CTNND2: variants seen among roughly 807,000 people sequenced by gnomAD.
The protein encoded by CTNND2 is catenin delta-2.
In CTNND2, 22 loss-of-function variants were observed where a neutral mutation model predicts 144.4. The observed-to-expected ratio is 0.15, with a 90% confidence interval of 0.11 to 0.22. The LOEUF is 0.22. CTNND2 is among the 10% of genes least tolerant of loss of function. The probability of loss-of-function intolerance (pLI) is 1.00; values close to 1 mark genes in which losing one functional copy is unlikely to be tolerated. For synonymous variants in CTNND2, 751 were observed against 695.6 expected, an observed-to-expected ratio of 1.08 and a Z score of -1.25; for missense variants, 1,353 against 1,618.8, an observed-to-expected ratio of 0.84 and a Z score of 2.82.
chr5:11,239,031 C>A (rs1057343530), intron 9 of CTNND2, among the ~76,000 whole-genome samples: 4 of 152,186 alleles, frequency 2.6e-5, no homozygotes, highest in African/African-American at 9.6e-5. Context: ...CAAATTAATT[C>A]GAAATCTACT....
chr5:11,120,202 C>T (rs935734200), intron 12 of CTNND2, among the ~76,000 whole-genome samples: 7 of 152,180 alleles, frequency 4.6e-5, no homozygotes, highest in African/African-American at 1.2e-4. Context: ...GACTGAGATA[C>T]GCCTACACCC....
chr5:11,200,926 G>A (rs1374848069), intron 10 of CTNND2, among the ~76,000 whole-genome samples: 1 of 148,128 alleles, frequency 6.8e-6, no homozygotes, highest in Non-Finnish European at 1.5e-5. Context: ...TGATCCGCCC[G>A]CCTCAGCCTC....
intron 3 of CTNND2, among the ~76,000 whole-genome samples, chr5:11,421,600 C>T (rs573682897): frequency 6.6e-6 from 1 of 151,986 alleles, no homozygotes; most frequent in Admixed American, 6.6e-5. Context: ...CAAAATGGGG[C>T]CAATATGGGG....
In CTNND2 at chr5:11,818,004, T is replaced by TTTTTTTTTTTTTTTTC. The variant is rs1554126308; in HGVS notation, c.38-85733_38-85732insGAAAAAAAAAAAAAAA. Among the ~76,000 whole-genome samples, 2 of 93,256 alleles carry TTTTTTTTTTTTTTTTC rather than the reference T, an allele frequency of 2.1e-5. 1 individual carries two copies. The highest frequency in any genetic ancestry group is 4.2e-5 in the Non-Finnish European group (2 of 47,324). 61.2% of individuals were successfully genotyped at this position (93,256 alleles called of 152,430 possible). Reference sequence around the variant, plus strand: ...GTGTTTTTTTTTTTTTTTTTTTTTTTCAGTTCTCCTCCATCCAATATCAAA... The same window carrying TTTTTTTTTTTTTTTTC: ...GTGTTTTTTTTTTTTTTTTTTTTTTTTTTTTTTTTTTTTTTCCAGTTCTCCTCCATCCAATATCAAA... On this transcript the variant is annotated intron_variant, in intron 1 of 21. Transcript: ENST00000304623.
At chr5:11,527,721 C>A (rs895382072) in intron 3 of CTNND2, among the ~76,000 whole-genome samples, 34 of 152,288 alleles carry the variant, frequency 2.2e-4, no homozygotes, top group African/African-American at 8.2e-4. Context: ...TTTAATATTT[C>A]ATATAAACCT....
At chr5:11,599,132 C>A (rs1458424911) in intron 2 of CTNND2, among the ~76,000 whole-genome samples, 1 of 152,096 alleles carries the variant, frequency 6.6e-6, no homozygotes, top group Non-Finnish European at 1.5e-5. Flanking sequence ...CCCCCATGAT[C>A]CAGTCATCTC....
At chr5:11,168,494 CA>C (rs1402448503) in intron 11 of CTNND2, among the ~76,000 whole-genome samples, 1 of 152,162 alleles carries the variant, frequency 6.6e-6, no homozygotes, top group African/African-American at 2.4e-5. Context: ...AAGAGATCAA[CA>C]GTTAGGAATA....
At chr5:11,260,929 G>C (rs1010445288) in intron 9 of CTNND2, among the ~76,000 whole-genome samples, 4 of 152,084 alleles carry the variant, frequency 2.6e-5, no homozygotes, top group Admixed American at 1.3e-4. Context: ...AATTAATTCT[G>C]ACATATCCGT....
intron 15 of CTNND2, among the ~76,000 whole-genome samples, chr5:11,091,995 C>T (rs1307652373): frequency 2.0e-5 from 3 of 152,142 alleles, no homozygotes; most frequent in African/African-American, 7.2e-5. Flanking sequence ...TTTGATATCT[C>T]CCGATTCCCC....
At position 10,973,750 on chromosome 5, in the gene CTNND2, T is replaced by G. The variant is rs771088661; in HGVS notation, c.3418-37A>C. The G allele has an allele frequency of 1.3e-6, 2 of 1,550,562 alleles. No homozygotes were observed. The highest frequency in any genetic ancestry group is 2.7e-5 in the African/African-American group (2 of 73,124). ...AGAAGAGCCACACTGGGTTACTTGG[T>G]TTCCCTTGACTCAGCCTGCCTCTTG... On this transcript the variant is annotated intron_variant, in intron 21 of 21. Transcript: ENST00000304623. The surrounding 1 kb of genome is among the most constrained non-coding windows in gnomAD (Gnocchi z 5.6).
At position 11,481,962 on chromosome 5, in the gene CTNND2, A is replaced by G. The variant is rs118159765; in HGVS notation, c.288-69893T>C. Among the ~76,000 whole-genome samples the G allele has an allele frequency of 7.9e-5, 12 of 152,256 alleles. 1 individual carries two copies. The East Asian group carries it at 2.3e-3, about 29-fold the overall frequency. On this transcript the variant is annotated intron_variant, in intron 3 of 21. Coordinates refer to ENST00000304623, the MANE Select transcript of CTNND2 (RefSeq NM_001332.4). ...ATTTCTTTCTTAATTCCTTTGCACA[A>G]TCTTTTGCAAAGAACAGCACACAGC...
intron 3 of CTNND2, among the ~76,000 whole-genome samples, chr5:11,435,497 G>T (rs1404297533): frequency 6.6e-6 from 1 of 152,070 alleles, no homozygotes; most frequent in African/African-American, 2.4e-5. Context: ...CAAGCCCTAG[G>T]TCTCTACTGT....
chr5:11,893,314 T>C (rs1737132332), intron 1 of CTNND2, among the ~76,000 whole-genome samples: 2 of 152,170 alleles, frequency 1.3e-5, no homozygotes, highest in Non-Finnish European at 2.9e-5. Context: ...TAGAAATAGC[T>C]ACCCTTCAAC....
intron 2 of CTNND2, among the ~76,000 whole-genome samples, chr5:11,722,342 A>G (rs1786735540): frequency 6.6e-6 from 1 of 152,226 alleles, no homozygotes; most frequent in Non-Finnish European, 1.5e-5. Flanking sequence ...TGAAGAGAAG[A>G]CTGAAATTAA....
chr5:11,859,108 C>G (rs1795384505), intron 1 of CTNND2, among the ~76,000 whole-genome samples: 1 of 152,200 alleles, frequency 6.6e-6, no homozygotes, highest in East Asian at 1.9e-4. Flanking sequence ...AGCCTGAACT[C>G]AGACACACAC....
intron 3 of CTNND2, among the ~76,000 whole-genome samples, chr5:11,487,813 T>C (rs32607): frequency 0.36 from 54,388 of 152,052 alleles, 10,329 homozygotes; most frequent in South Asian, 0.44. Flanking sequence ...TGTTGGTAGC[T>C]TGAAATTGAC....
chr5:11,699,460 A>T (rs1190417145), intron 2 of CTNND2, among the ~76,000 whole-genome samples: 1 of 152,190 alleles, frequency 6.6e-6, no homozygotes, highest in East Asian at 1.9e-4. Context: ...TGTGGAGTTC[A>T]ATTTGCTTAT....
intron 12 of CTNND2, among the ~76,000 whole-genome samples, chr5:11,158,657 G>A (rs1758459629): frequency 6.6e-6 from 1 of 152,166 alleles, no homozygotes; most frequent in African/African-American, 2.4e-5. Context: ...TGCCACTGAG[G>A]TGGATTTTGT....
At chr5:11,211,625 T>C (rs1216707846) in intron 10 of CTNND2, among the ~76,000 whole-genome samples, 1 of 152,238 alleles carries the variant, frequency 6.6e-6, no homozygotes, top group Non-Finnish European at 1.5e-5. Flanking sequence ...TTTGGTTGAC[T>C]GACAGATGGC....
Sources: allele counts gnomAD v4.1 joint callset (sites outside exome capture counted in the v4.1 genomes callset), GRCh38; gene constraint gnomAD v4.1.1; non-coding constraint Gnocchi (gnomAD v3.1); transcripts MANE v1.5; gene names NCBI Gene and HGNC (gene_info 2026-07-23, HGNC 2026-07-21).